Variants in GID8 observed in about 807,000 individuals in gnomAD.
GID8 encodes glucose-induced degradation protein 8 homolog.
GID8 carries 6 observed loss-of-function variants against 27.4 expected under a neutral mutation model. The observed-to-expected ratio is 0.22, with a 90% CI of 0.12 to 0.43. The LOEUF (loss-of-function observed/expected upper bound fraction) is 0.43, where lower values mean the gene tolerates loss of function less well. GID8 is among the 20% of genes least tolerant of loss of function. The probability of loss-of-function intolerance (pLI) is 1.00; values close to 1 mark genes in which losing one functional copy is unlikely to be tolerated. For synonymous variants in GID8, 112 were observed against 109.0 expected, an observed-to-expected ratio of 1.03 and a Z score of -0.17; for missense variants, 173 against 287.6, an observed-to-expected ratio of 0.60 and a Z score of 2.88.
Position 62,943,240 on chromosome 20 carries a change from TGC to T in GID8, c.315+58_315+59del, listed in dbSNP as rs72483162. The T allele has an allele frequency of 0.063, 82,458 of 1,311,760 alleles. 3,277 individuals are homozygous for T. The highest frequency in any genetic ancestry group is 0.17 in the African/African-American group (11,816 of 67,804). The allele number at this position is 1,311,760 out of a possible 1,614,324, so 81.3% of individuals were successfully genotyped here. ...GAATACTTGATAAGTTAAAGTTATTTGCAATGATTGAGAAATAACTAGGCTAA... is the reference window on the plus strand; with the variant it reads ...GAATACTTGATAAGTTAAAGTTATTTAATGATTGAGAAATAACTAGGCTAA... On this transcript the variant is annotated intron_variant, in intron 3 of 4. Coordinates refer to ENST00000266069, the MANE Select transcript of GID8 (RefSeq NM_017896.3). This position sits in a 1 kb window ranked among gnomAD's most constrained non-coding sequence, Gnocchi z 4.7.
Position 62,947,154 on chromosome 20 carries a change from G to A in GID8, c.*2242G>A, listed in dbSNP as rs578165558. 2.0e-5 allele frequency: 3 copies of A among 151,932 alleles called. No individual in the cohort carries two copies. The highest frequency in any genetic ancestry group is 1.3e-4 in the Admixed American group (2 of 15,276). The allele number at this position is 151,932 out of a possible 1,614,324, so 9.4% of individuals were successfully genotyped here. A position where few individuals can be genotyped will look rare whatever the true frequency, so the allele number is the denominator to read the frequency against. On this transcript the variant is annotated 3_prime_UTR_variant, in exon 5 of 5. Coordinates refer to ENST00000266069, the MANE Select transcript of GID8 (RefSeq NM_017896.3). ...TCGGGGAGACTGGGAAGTCTCCAGC[G>A]TTACTGCTCTCCTTCCCTTCATGAT... is the stretch of plus-strand genomic sequence containing the variant.
At chr20:62,939,118 A>AG (rs2065424757) in intron 1 of GID8, among the ~76,000 whole-genome samples, 1 of 75,412 alleles carries the variant, frequency 1.3e-5, no homozygotes, top group African/African-American at 7.4e-5. Flanking sequence ...GCTCTGTCTC[A>AG]AAAAAAAAAG....
intron 1 of GID8, among the ~76,000 whole-genome samples, chr20:62,940,513 C>T (rs2065438556): frequency 6.6e-6 from 1 of 152,122 alleles, no homozygotes; most frequent in Non-Finnish European, 1.5e-5. Context: ...CCGAGCACGG[C>T]TAATTTTTTG....
rs557814188 is a variant in GID8, at chr20:62,945,774, G to C, written c.*862G>C. On this transcript the variant is annotated 3_prime_UTR_variant, in exon 5 of 5. Coordinates refer to ENST00000266069, the MANE Select transcript of GID8 (RefSeq NM_017896.3). ...GGCCACTTGGCCCTGTGCTGAGTGA[G>C]CGGCCTTCATTAGAGCGAGGCAGCC... is the stretch of plus-strand genomic sequence containing the variant. 7.9e-7 allele frequency: 1 copy of C among 1,263,968 alleles called. No homozygotes were observed. The highest frequency in any genetic ancestry group is 5.6e-5 in the East Asian group (1 of 17,752). 78.3% of individuals were successfully genotyped at this position (1,263,968 alleles called of 1,614,324 possible).
At chr20:62,940,187 CTT>C (rs547746346) in intron 1 of GID8, among the ~76,000 whole-genome samples, 7 of 132,204 alleles carry the variant, frequency 5.3e-5, no homozygotes, top group Non-Finnish European at 4.8e-5. Context: ...TCTTTTTTTT[CTT>C]TTTTTTTTTT....
chr20:62,944,299 G>A (rs1162293137), intron 4 of GID8, among the ~76,000 whole-genome samples: 1 of 151,918 alleles, frequency 6.6e-6, no homozygotes, highest in Non-Finnish European at 1.5e-5. Context: ...TTCTCTCCTC[G>A]CTGCTATGTT....
Position 62,947,301 on chromosome 20 carries a change from CGAG to C in GID8, c.*2391_*2393del, listed in dbSNP as rs1010409266. ...GCTTTTCTTGTGATCTGTTAGTGGA[CGAG>C]GTCTTCCAAGGAAGTGCTTTGCACA... On this transcript the variant is annotated 3_prime_UTR_variant, in exon 5 of 5. Transcript: ENST00000266069. 2 of 152,236 alleles carry C rather than the reference CGAG, an allele frequency of 1.3e-5. No individual in the cohort carries two copies. Among genetic ancestry groups the C allele is most frequent in the Admixed American group, 1.3e-4 (2 of 15,280 alleles). 9.4% of individuals were successfully genotyped at this position (152,236 alleles called of 1,614,324 possible). A position where few individuals can be genotyped will look rare whatever the true frequency, so the allele number is the denominator to read the frequency against.
chr20:62,941,528 A>C lies in GID8; in HGVS notation c.26A>C (p.Glu9Ala). 2 of 1,611,898 alleles carry C rather than the reference A, an allele frequency of 1.2e-6. No individual in the cohort carries two copies. The highest frequency in any genetic ancestry group is 2.7e-5 in the African/African-American group (2 of 75,012). MSYAEKPD[E>A]ITKDEWMEKL... ...ATGAGTTATGCAGAAAAACCCGATGAAATCACGAAAGATGAGTGGATGGAA... is the reference window on the plus strand; with the variant it reads ...ATGAGTTATGCAGAAAAACCCGATGCAATCACGAAAGATGAGTGGATGGAA... Residue 9 changes from glutamate to alanine, a missense_variant, in exon 2 of 5, where the codon GAA (glutamate) becomes GCA (alanine). Physicochemically the swap from Glu to Ala is moderately radical, Grantham distance 107. Transcript: ENST00000266069.
In GID8 at chr20:62,944,791, C is replaced by T. The variant is rs751544681; in HGVS notation, c.566C>T (p.Thr189Ile). 3 of 1,614,148 alleles carry T rather than the reference C, an allele frequency of 1.9e-6. No individual in the cohort carries two copies. Among genetic ancestry groups the T allele is most frequent in the Admixed American group, 3.3e-5 (2 of 60,026 alleles). The change falls in exon 5 of 5, where the codon ACA becomes ATA. Residue 189 changes from threonine (T) to isoleucine (I), a missense_variant. Thr to Ile is a moderately conservative substitution (Grantham distance 89). Transcript: ENST00000266069. ...AVLDYENRES[T>I]PKLAKLLKLL... ...CTAGATTATGAAAATCGCGAGTCAA[C>T]ACCCAAACTGGCAAAATTACTGAAA...
At chr20:62,940,147 T>G (rs1466547238) in intron 1 of GID8, among the ~76,000 whole-genome samples, 1 of 152,200 alleles carries the variant, frequency 6.6e-6, no homozygotes, top group African/African-American at 2.4e-5. Flanking sequence ...CACGGCAGAT[T>G]TGGCCTCTCC....
At position 62,945,406 on chromosome 20, in the gene GID8, C is replaced by T. The variant is rs1265574040; in HGVS notation, c.*494C>T. 10 of 957,884 alleles carry T rather than the reference C, an allele frequency of 1.0e-5. No homozygotes were observed. The highest frequency in any genetic ancestry group is 1.8e-5 in the African/African-American group (1 of 55,570). 59.3% of individuals were successfully genotyped at this position (957,884 alleles called of 1,614,324 possible). A position where few individuals can be genotyped will look rare whatever the true frequency, so the allele number is the denominator to read the frequency against. On this transcript the variant is annotated 3_prime_UTR_variant, in exon 5 of 5. Coordinates refer to ENST00000266069, the MANE Select transcript of GID8 (RefSeq NM_017896.3). Reference sequence around the variant, plus strand: ...GGAAAGAATATATAAATTTGTAAATCCTAATTCAAAGATGGCTCATGTGTG... The same window carrying T: ...GGAAAGAATATATAAATTTGTAAATTCTAATTCAAAGATGGCTCATGTGTG...
In GID8 at chr20:62,943,402, C is replaced by A; in HGVS notation, c.316-93C>A. 2 of 1,214,906 alleles carry A rather than the reference C, an allele frequency of 1.6e-6. No homozygotes were observed. Among genetic ancestry groups the A allele is most frequent in the Non-Finnish European group, 2.4e-6 (2 of 836,302 alleles). 75.3% of individuals were successfully genotyped at this position (1,214,906 alleles called of 1,614,324 possible). ...CAGAGATGCAAGAAAAGTCTTCCCT[C>A]TGTGATGTACTTTTGATTGGGACCT... On this transcript the variant is annotated intron_variant, in intron 3 of 4. Transcript: ENST00000266069. This position sits in a 1 kb window ranked among gnomAD's most constrained non-coding sequence, Gnocchi z 4.7.
chr20:62,943,290 A>T lies in GID8; in HGVS notation c.315+107A>T. The T allele has an allele frequency of 9.8e-7, 1 of 1,015,508 alleles. No individual in the cohort carries two copies. The highest frequency in any genetic ancestry group is 1.5e-6 in the Non-Finnish European group (1 of 678,792). 62.9% of individuals were successfully genotyped at this position (1,015,508 alleles called of 1,614,324 possible). ...TAATTTGCTTTAATAATGTTATTTCAATGCATGTGAGGGGGAGAGGTTTGA... is the reference window on the plus strand; with the variant it reads ...TAATTTGCTTTAATAATGTTATTTCTATGCATGTGAGGGGGAGAGGTTTGA... On this transcript the variant is annotated intron_variant, in intron 3 of 4. Transcript: ENST00000266069. This position sits in a 1 kb window ranked among gnomAD's most constrained non-coding sequence, Gnocchi z 4.7.
Position 62,943,764 on chromosome 20 carries a change from T to G in GID8, c.513+72T>G. On this transcript the variant is annotated intron_variant, in intron 4 of 4. Coordinates refer to ENST00000266069, the MANE Select transcript of GID8 (RefSeq NM_017896.3). This position sits in a 1 kb window ranked among gnomAD's most constrained non-coding sequence, Gnocchi z 4.7. Reference sequence around the variant, plus strand: ...GAGGGGGCTTCGTGACAACGCCAAGTGTGTGGCTTTGCTGTGTGGACTGAG... The same window carrying G: ...GAGGGGGCTTCGTGACAACGCCAAGGGTGTGGCTTTGCTGTGTGGACTGAG... The G allele has an allele frequency of 8.5e-7, 1 of 1,175,510 alleles. No individual in the cohort carries two copies. Among genetic ancestry groups the G allele is most frequent in the Admixed American group, 1.8e-5 (1 of 54,164 alleles). The allele number at this position is 1,175,510 out of a possible 1,614,324, so 72.8% of individuals were successfully genotyped here.
Position 62,939,611 on chromosome 20 carries a change from T to G in GID8, c.-13+1358T>G, listed in dbSNP as rs577618322. Among the ~76,000 whole-genome samples the G allele has an allele frequency of 1.3e-4, 20 of 152,292 alleles. 1 individual carries two copies. In the South Asian group the frequency reaches 4.1e-3, roughly 32 times the overall value. ...CCCCATCTTGCAGGGCCTCTCATGCTTGAAACCTGTGACCATCTTCTATTC... is the reference window on the plus strand; with the variant it reads ...CCCCATCTTGCAGGGCCTCTCATGCGTGAAACCTGTGACCATCTTCTATTC... On this transcript the variant is annotated intron_variant, in intron 1 of 4. Transcript: ENST00000266069.
At position 62,946,093 on chromosome 20, in the gene GID8, C is replaced by G. The variant is rs2065465369; in HGVS notation, c.*1181C>G. The G allele has an allele frequency of 1.8e-6, 2 of 1,125,582 alleles. No individual in the cohort carries two copies. The highest frequency in any genetic ancestry group is 1.6e-5 in the African/African-American group (1 of 62,890). 69.7% of individuals were successfully genotyped at this position (1,125,582 alleles called of 1,614,324 possible). ...ATGTGTTTGGATTCATTGCAGCGGACCACCGGGCACTGTTGACCCCACTGA... is the reference window on the plus strand; with the variant it reads ...ATGTGTTTGGATTCATTGCAGCGGAGCACCGGGCACTGTTGACCCCACTGA... On this transcript the variant is annotated 3_prime_UTR_variant, in exon 5 of 5. Coordinates refer to ENST00000266069, the MANE Select transcript of GID8 (RefSeq NM_017896.3).
rs547746346 is a variant in GID8 at position 62,940,187 on chromosome 20, CTTT to C, written c.-12-1291_-12-1289del. On this transcript the variant is annotated intron_variant, in intron 1 of 4. Coordinates refer to ENST00000266069, the MANE Select transcript of GID8 (RefSeq NM_017896.3). ...ACTCTCTTTTTCTTTTCTTTTTTTTCTTTTTTTTTTTTTTTGAGACGGAGTCTC... is the reference window on the plus strand; with the variant it reads ...ACTCTCTTTTTCTTTTCTTTTTTTTCTTTTTTTTTTTTGAGACGGAGTCTC... 8.3e-5 allele frequency among the ~76,000 whole-genome samples: 11 copies of C among 132,234 alleles called. No individual in the cohort carries two copies. The East Asian group carries it at 1.1e-3, about 13-fold the overall frequency. 86.8% of individuals were successfully genotyped at this position (132,234 alleles called of 152,430 possible).
Position 62,948,202 on chromosome 20 carries a change from A to G in GID8, c.*3290A>G, listed in dbSNP as rs2065474398. On this transcript the variant is annotated 3_prime_UTR_variant, in exon 5 of 5. Coordinates refer to ENST00000266069, the MANE Select transcript of GID8 (RefSeq NM_017896.3). Reference sequence around the variant, plus strand: ...GCTCTGTTAACTGTTCTATTCTGATACTACGCGTGTTGTTTTTTACAACAG... The same window carrying G: ...GCTCTGTTAACTGTTCTATTCTGATGCTACGCGTGTTGTTTTTTACAACAG... 6.6e-6 allele frequency: 1 copy of G among 152,236 alleles called. No homozygotes were observed. Among genetic ancestry groups the G allele is most frequent in the African/African-American group, 2.4e-5 (1 of 41,452 alleles). 9.4% of individuals were successfully genotyped at this position (152,236 alleles called of 1,614,324 possible).
chr20:62,943,343 G>A lies in GID8; in HGVS notation c.316-152G>A, dbSNP rs1398697845. Reference sequence around the variant, plus strand: ...TTGCTCTTTTATGTAGTTCAGAAGCGGTTTTTTGTTTTAAAAATGCAAATT... The same window carrying A: ...TTGCTCTTTTATGTAGTTCAGAAGCAGTTTTTTGTTTTAAAAATGCAAATT... On this transcript the variant is annotated intron_variant, in intron 3 of 4. Coordinates refer to ENST00000266069, the MANE Select transcript of GID8 (RefSeq NM_017896.3). The surrounding 1 kb of genome is among the most constrained non-coding windows in gnomAD (Gnocchi z 4.7). 4.3e-5 allele frequency: 40 copies of A among 928,540 alleles called. 2 individuals carry two copies. The Middle Eastern group carries it at 1.0e-3, about 24-fold the overall frequency. 57.5% of individuals were successfully genotyped at this position (928,540 alleles called of 1,614,324 possible).
Sources: allele counts gnomAD v4.1 joint callset (sites outside exome capture counted in the v4.1 genomes callset), GRCh38; gene constraint gnomAD v4.1.1; non-coding constraint Gnocchi (gnomAD v3.1); transcripts MANE v1.5; gene names NCBI Gene and HGNC (gene_info 2026-07-23, HGNC 2026-07-21).